Variants in CHRNB4 observed in about 807,000 individuals in gnomAD.
The protein encoded by CHRNB4 is neuronal acetylcholine receptor subunit beta-4.
Under a neutral mutation model 40.4 loss-of-function variants are expected in CHRNB4, and 23 were observed. The observed-to-expected ratio is 0.57, with a 90% CI of 0.41 to 0.81. The LOEUF (loss-of-function observed/expected upper bound fraction) is 0.81, where lower values mean the gene tolerates loss of function less well. CHRNB4 is among the 30% of genes least tolerant of loss of function. CHRNB4 has a pLI of 0.00. For missense variants in CHRNB4, 568 were observed against 670.6 expected, an observed-to-expected ratio of 0.85 and a Z score of 1.69; for synonymous variants, 285 against 274.4, an observed-to-expected ratio of 1.04 and a Z score of -0.38.
At chr15:78,635,759 A>G (rs1156518576) in intron 1 of CHRNB4, among the ~76,000 whole-genome samples, 172 bp from the exon 2 acceptor site, 1 of 151,984 alleles carries the variant, frequency 6.6e-6, no homozygotes, top group Non-Finnish European at 1.5e-5. Flanking sequence ...AATACACTCA[A>G]CACAGAGCTC....
At chr15:78,641,297 A>G (rs1433149049), upstream of CHRNB4, 1 of 578,612 alleles carries the variant, frequency 1.7e-6, no homozygotes, top group Non-Finnish European at 2.8e-6. Context: ...CCGCCCACTC[A>G]GGGATGTACT....
upstream of CHRNB4, chr15:78,661,004 T>G (rs12593043): frequency 2.0e-6 from 1 of 507,444 alleles, no homozygotes; most frequent in Non-Finnish European, 3.8e-6. Flanking sequence ...TTCTCTCTTC[T>G]TCCAAAATCT....
chr15:78,636,638 T>C (rs2053957519), intron 1 of CHRNB4, among the ~76,000 whole-genome samples: 2 of 151,732 alleles, frequency 1.3e-5, no homozygotes, highest in Non-Finnish European at 2.9e-5. Context: ...AGACAGGGTC[T>C]TGCTATGTTG....
At chr15:78,658,487 C>G (rs916931875) in intron 1 of CHRNB4, 3 of 152,150 alleles carry the variant, frequency 2.0e-5, no homozygotes, top group Non-Finnish European at 4.4e-5. Flanking sequence ...ACTGCCCTCC[C>G]TAGGAAGCAG....
chr15:78,641,377 C>G (rs761421620), upstream of CHRNB4: 1 of 454,494 alleles, frequency 2.2e-6, no homozygotes, highest in African/African-American at 2.1e-5. Flanking sequence ...TTCCCTATCT[C>G]TTCGGGCCTC....
At chr15:78,651,562 T>C (rs550583311) in intron 6 of CHRNB4, among the ~76,000 whole-genome samples, 2 of 152,300 alleles carry the variant, frequency 1.3e-5, no homozygotes, top group African/African-American at 2.4e-5. Context: ...GCTTCTCAGA[T>C]TGACCGAGAA....
chr15:78,659,549 TGAG>T (rs1172140335), intron 1 of CHRNB4, among the ~76,000 whole-genome samples: 5 of 152,272 alleles, frequency 3.3e-5, no homozygotes, highest in African/African-American at 1.2e-4. Flanking sequence ...CCTAGCTCTC[TGAG>T]GAGGTGACAT....
chr15:78,636,886 G>A (rs977610482), intron 1 of CHRNB4, among the ~76,000 whole-genome samples: 1 of 152,228 alleles, frequency 6.6e-6, no homozygotes, highest in African/African-American at 2.4e-5. Flanking sequence ...ACCAGAAACG[G>A]TTCCTGACAC....
chr15:78,655,442 CTATATCTATA>C (rs1019729841), intron 5 of CHRNB4: 1 of 135,970 alleles, frequency 7.4e-6, no homozygotes, highest in African/African-American at 2.6e-5. Context: ...CTATATATAT[CTATATCTATA>C]TATATCTATA....
intron 7 of CHRNB4, among the ~76,000 whole-genome samples, chr15:78,648,261 C>T (rs1461245691): frequency 6.6e-6 from 1 of 151,608 alleles, no homozygotes; most frequent in Non-Finnish European, 1.5e-5. Context: ...GGTGTGGTGG[C>T]AGGCACCTGT....
chr15:78,632,946 C>T (rs1302764319), intron 2 of CHRNB4, among the ~76,000 whole-genome samples: 1 of 152,104 alleles, frequency 6.6e-6, no homozygotes, highest in Non-Finnish European at 1.5e-5. Context: ...CCTGTCATTT[C>T]CTCCCTCAAT....
At chr15:78,648,410 G>GAAAAAGA (rs2054144145) in intron 7 of CHRNB4, among the ~76,000 whole-genome samples, 1 of 141,602 alleles carries the variant, frequency 7.1e-6, no homozygotes. Context: ...AAAAAAAAAG[G>GAAAAAGA]AAAAAGAAAA....
chr15:78,640,224 T>C (rs558084875), intron 1 of CHRNB4, among the ~76,000 whole-genome samples: 26 of 152,312 alleles, frequency 1.7e-4, no homozygotes, highest in African/African-American at 6.3e-4. Flanking sequence ...GCCCTGGTCC[T>C]CTAGGCTGAC....
chr15:78,657,605 G>C (rs1327743839), intron 2 of CHRNB4, among the ~76,000 whole-genome samples: 5 of 152,034 alleles, frequency 3.3e-5, no homozygotes, highest in Non-Finnish European at 5.9e-5. Flanking sequence ...CCAGGCTGGA[G>C]TGCAGTGGCA....
At chr15:78,656,553 A>G (rs1354730464) in exon 4 of CHRNB4, 1 of 152,054 alleles carries the variant, frequency 6.6e-6, no homozygotes, top group East Asian at 1.9e-4. Flanking sequence ...CACAAAGCAA[A>G]AAAAAAAATT....
At chr15:78,641,306 C>T, upstream of CHRNB4, 1 of 539,912 alleles carries the variant, frequency 1.9e-6, no homozygotes, top group Non-Finnish European at 3.1e-6. Context: ...CAGGGATGTA[C>T]TGGGCCCGCT....
intron 5 of CHRNB4, among the ~76,000 whole-genome samples, chr15:78,653,917 G>A (rs2054192589): frequency 6.6e-6 from 1 of 152,146 alleles, no homozygotes. Flanking sequence ...CTGCTGTCCA[G>A]AGCACTTACC....
At chr15:78,655,213 ATTTTT>A (rs912409201) in intron 5 of CHRNB4, among the ~76,000 whole-genome samples, 1 of 146,060 alleles carries the variant, frequency 6.8e-6, no homozygotes, top group Non-Finnish European at 1.5e-5. Flanking sequence ...ACAGTACATA[ATTTTT>A]TTTTTTTGAG....
intron 1 of CHRNB4, among the ~76,000 whole-genome samples, chr15:78,639,844 G>T (rs953467745): frequency 2.6e-5 from 4 of 152,072 alleles, no homozygotes; most frequent in African/African-American, 9.7e-5. Context: ...TGTAGGCAGG[G>T]CACATTCTCT....
Sources: allele counts gnomAD v4.1 joint callset (sites outside exome capture counted in the v4.1 genomes callset), GRCh38; gene constraint gnomAD v4.1.1; transcripts MANE v1.5; gene names NCBI Gene and HGNC (gene_info 2026-07-23, HGNC 2026-07-21).